TOM1L2: variants seen among roughly 807,000 people sequenced by gnomAD.
TOM1L2 encodes the protein target of myb1 like 2 membrane trafficking protein.
In TOM1L2, 31 loss-of-function variants were observed where a neutral mutation model predicts 67.9. The ratio of observed to expected loss-of-function variants is 0.46; its 90% CI spans 0.34 to 0.62. The LOEUF (loss-of-function observed/expected upper bound fraction) is 0.62. TOM1L2 is among the 20% of genes least tolerant of loss of function. The probability of loss-of-function intolerance (pLI) is 0.01; values close to 1 mark genes in which losing one functional copy is unlikely to be tolerated. For missense variants in TOM1L2, 606 were observed against 663.5 expected, an observed-to-expected ratio of 0.91 and a Z score of 0.95; for synonymous variants, 256 against 254.0, an observed-to-expected ratio of 1.01 and a Z score of -0.07.
chr17:17,947,578 A>C (rs570186302), intron 1 of TOM1L2, among the ~76,000 whole-genome samples: 3 of 152,344 alleles, frequency 2.0e-5, no homozygotes, highest in African/African-American at 7.2e-5. Flanking sequence ...CCAAACCTGC[A>C]GCTTGATCTT....
intron 2 of TOM1L2, among the ~76,000 whole-genome samples, chr17:17,900,799 C>T (rs959137649): frequency 1.3e-5 from 2 of 152,206 alleles, no homozygotes; most frequent in African/African-American, 4.8e-5. Flanking sequence ...CGGCTCTCTG[C>T]TTTGAAGGCT....
chr17:17,912,395 G>A (rs1283170310), intron 1 of TOM1L2, among the ~76,000 whole-genome samples: 5 of 151,064 alleles, frequency 3.3e-5, no homozygotes, highest in East Asian at 2.0e-4. Flanking sequence ...CAGACGGGGC[G>A]GCTGCTGGGC....
intron 1 of TOM1L2, among the ~76,000 whole-genome samples, chr17:17,910,205 C>T (rs1251615207): frequency 6.6e-6 from 1 of 152,096 alleles, no homozygotes; most frequent in Non-Finnish European, 1.5e-5. Context: ...ACGGGAAACC[C>T]GGGGCCCGCA....
chr17:17,886,926 C>A (rs1477458994), intron 4 of TOM1L2, among the ~76,000 whole-genome samples: 3 of 152,248 alleles, frequency 2.0e-5, no homozygotes, highest in Non-Finnish European at 4.4e-5. Flanking sequence ...GATGTTCTCA[C>A]TGGGTAGGCA....
intron 1 of TOM1L2, among the ~76,000 whole-genome samples, chr17:17,954,176 G>T (rs929590279): frequency 6.6e-6 from 1 of 152,250 alleles, no homozygotes; most frequent in Non-Finnish European, 1.5e-5. Flanking sequence ...ATGCTTTGCA[G>T]GGCCAAAGGC....
intron 1 of TOM1L2, among the ~76,000 whole-genome samples, chr17:17,930,374 T>A (rs1351157592): frequency 1.3e-5 from 2 of 150,872 alleles, no homozygotes; most frequent in South Asian, 4.2e-4. Flanking sequence ...AAAAGGGGGG[T>A]CTGGGAATGT....
chr17:17,953,288 A>G (rs2041285549), intron 1 of TOM1L2, among the ~76,000 whole-genome samples: 1 of 152,216 alleles, frequency 6.6e-6, no homozygotes, highest in Non-Finnish European at 1.5e-5. Flanking sequence ...TCAAAAAAAT[A>G]TAAATAAATA....
intron 4 of TOM1L2, among the ~76,000 whole-genome samples, chr17:17,888,770 A>C (rs1014745315): frequency 2.6e-5 from 4 of 152,176 alleles, no homozygotes; most frequent in African/African-American, 9.7e-5. Context: ...GGATGACTCC[A>C]TTTCCGCTCC....
chr17:17,927,934 T>A (rs919030892), intron 1 of TOM1L2, among the ~76,000 whole-genome samples: 1 of 152,198 alleles, frequency 6.6e-6, no homozygotes, highest in African/African-American at 2.4e-5. Context: ...GCTATACTTT[T>A]AAAAAGATTC....
At chr17:17,910,869 C>T (rs1412333009) in intron 1 of TOM1L2, among the ~76,000 whole-genome samples, 1 of 152,102 alleles carries the variant, frequency 6.6e-6, no homozygotes, top group Non-Finnish European at 1.5e-5. Context: ...GTGCCCAGCC[C>T]CAACACTCTT....
At chr17:17,909,179 T>TCAAAAA (rs1438087717) in intron 1 of TOM1L2, among the ~76,000 whole-genome samples, 3 of 152,088 alleles carry the variant, frequency 2.0e-5, no homozygotes, top group Non-Finnish European at 2.9e-5. Flanking sequence ...AGACTCCGTC[T>TCAAAAA]CAAAAACAAA....
intron 12 of TOM1L2, chr17:17,857,911 G>A: frequency 6.8e-7 from 1 of 1,462,710 alleles, no homozygotes; most frequent in African/African-American, 1.4e-5. Context: ...AGCACATATT[G>A]TGGAAACAGA....
intron 6 of TOM1L2, among the ~76,000 whole-genome samples, chr17:17,880,950 G>C (rs2037690351): frequency 6.6e-6 from 1 of 152,168 alleles, no homozygotes; most frequent in Non-Finnish European, 1.5e-5. Flanking sequence ...TGAGGTAGAA[G>C]CAACCACTCC....
chr17:17,868,024 G>C (rs1290291240), intron 8 of TOM1L2, among the ~76,000 whole-genome samples: 5 of 152,186 alleles, frequency 3.3e-5, no homozygotes, highest in Admixed American at 3.3e-4. Flanking sequence ...GTAATGCTTG[G>C]ACTGGGAGAC....
chr17:17,878,270 T>C (rs758855995), intron 7 of TOM1L2, among the ~76,000 whole-genome samples: 2 of 151,966 alleles, frequency 1.3e-5, no homozygotes, highest in Non-Finnish European at 2.9e-5. Context: ...GTGTCAGGAG[T>C]GAGGTCTGGG....
At chr17:17,942,672 G>T (rs2040782941) in intron 1 of TOM1L2, among the ~76,000 whole-genome samples, 1 of 152,156 alleles carries the variant, frequency 6.6e-6, no homozygotes, top group Non-Finnish European at 1.5e-5. Context: ...TGCCCCAAAA[G>T]ATACAGTGTT....
intron 1 of TOM1L2, among the ~76,000 whole-genome samples, chr17:17,927,160 T>C (rs942117959): frequency 1.3e-5 from 2 of 152,210 alleles, no homozygotes; most frequent in Admixed American, 6.5e-5. Flanking sequence ...ACAGTATCTA[T>C]CTAGTTTCTT....
chr17:17,934,246 A>G (rs1568317893), intron 1 of TOM1L2, among the ~76,000 whole-genome samples: 1 of 152,164 alleles, frequency 6.6e-6, no homozygotes, highest in Admixed American at 6.5e-5. Context: ...GGAGTTCAAG[A>G]CCAGCCTGGG....
At chr17:17,855,549 G>A (rs769844824) in intron 12 of TOM1L2, among the ~76,000 whole-genome samples, 5 of 152,294 alleles carry the variant, frequency 3.3e-5, no homozygotes, top group South Asian at 4.1e-4. Context: ...AGAGCCGCCC[G>A]GCCCTAGCCC....
Sources: allele counts gnomAD v4.1 joint callset (sites outside exome capture counted in the v4.1 genomes callset), GRCh38; gene constraint gnomAD v4.1.1; transcripts MANE v1.5; gene names NCBI Gene and HGNC (gene_info 2026-07-23, HGNC 2026-07-21).